CAMK2D: variants seen among roughly 807,000 people sequenced by gnomAD.
CAMK2D encodes calcium/calmodulin dependent protein kinase II delta.
In CAMK2D, 37 loss-of-function variants were observed where a neutral mutation model predicts 84.0. The observed-to-expected ratio is 0.44, with a 90% CI of 0.34 to 0.58. The LOEUF is 0.58. Ranked by LOEUF, CAMK2D falls within the 20% of genes least tolerant of loss-of-function variation. The pLI, the probability that CAMK2D is intolerant of heterozygous loss-of-function variation, is 0.02. For synonymous variants in CAMK2D, 202 were observed against 212.5 expected, an observed-to-expected ratio of 0.95 and a Z score of 0.43; for missense variants, 448 against 652.5, an observed-to-expected ratio of 0.69 and a Z score of 3.41.
intron 4 of CAMK2D, among the ~76,000 whole-genome samples, chr4:113,583,592 A>T (rs1325342216): frequency 1.3e-5 from 2 of 152,164 alleles, no homozygotes; most frequent in Non-Finnish European, 2.9e-5. Context: ...CAGAAACAAC[A>T]TATCTCTAGT....
At chr4:113,509,555 A>G in intron 13 of CAMK2D, 83 bp downstream of exon 13, 2 of 880,760 alleles carry the variant, frequency 2.3e-6, no homozygotes, top group East Asian at 5.0e-5. Flanking sequence ...GAACTTGCAA[A>G]GACTTAGGAA....
At position 113,540,564 on chromosome 4, in the gene CAMK2D, C is replaced by A. The variant is rs1045904915; in HGVS notation, c.415-3121G>T. Among the ~76,000 whole-genome samples the A allele has an allele frequency of 1.1e-4, 16 of 152,160 alleles. 1 individual carries two copies. The highest frequency in any genetic ancestry group is 5.9e-4 in the Admixed American group (9 of 15,266). ...TACCTATATGGACTTGGGCAACTCA[C>A]AAATGCCTGGAGCTAATTAATTAGT... On this transcript the variant is annotated intron_variant, in intron 6 of 20. Coordinates refer to ENST00000511664, the MANE Select transcript of CAMK2D (RefSeq NM_001321571.2).
At chr4:113,754,410 G>C (rs2099623817) in intron 2 of CAMK2D, 7 of 964,852 alleles carry the variant, frequency 7.3e-6, no homozygotes, top group Non-Finnish European at 8.6e-6. Context: ...GTACATGTAA[G>C]ATTTCTAGTA....
intron 13 of CAMK2D, among the ~76,000 whole-genome samples, 160 bp from the exon 14 acceptor site, chr4:113,505,195 C>T (rs2098113791): frequency 1.3e-5 from 2 of 152,152 alleles, no homozygotes; most frequent in Admixed American, 1.3e-4. Context: ...ATGATGATCG[C>T]TAGTCTCCGA....
chr4:113,549,518 AG>A (rs1175235296), intron 5 of CAMK2D, among the ~76,000 whole-genome samples: 1 of 152,200 alleles, frequency 6.6e-6, no homozygotes, highest in African/African-American at 2.4e-5. Context: ...ATTCTTATTA[AG>A]GGTTCACTGA....
intron 4 of CAMK2D, among the ~76,000 whole-genome samples, chr4:113,568,056 A>AT (rs1434149929): frequency 4.6e-5 from 7 of 152,236 alleles, no homozygotes; most frequent in Admixed American, 4.6e-4. Flanking sequence ...GTCTCTAGTT[A>AT]TTTTTTTATG....
At chr4:113,523,525 C>A (rs1343048936) in intron 8 of CAMK2D, among the ~76,000 whole-genome samples, 4 of 152,130 alleles carry the variant, frequency 2.6e-5, no homozygotes, top group African/African-American at 9.7e-5. Context: ...TCAATCCCAG[C>A]ACTTTGGGAG....
intron 13 of CAMK2D, among the ~76,000 whole-genome samples, chr4:113,508,075 T>C (rs1327564704): frequency 6.6e-6 from 1 of 152,162 alleles, no homozygotes; most frequent in Admixed American, 6.5e-5. Context: ...GAAAAAACAA[T>C]GTAATATGTA....
At chr4:113,735,649 T>C (rs2099579679) in intron 2 of CAMK2D, among the ~76,000 whole-genome samples, 1 of 152,174 alleles carries the variant, frequency 6.6e-6, no homozygotes, top group African/African-American at 2.4e-5. Flanking sequence ...GCTGTAGTAA[T>C]AAAATGATGT....
At chr4:113,544,005 A>G (rs1375090452) in intron 6 of CAMK2D, among the ~76,000 whole-genome samples, 1 of 151,902 alleles carries the variant, frequency 6.6e-6, no homozygotes. Context: ...GTTAGCCGGG[A>G]TGGTCTCGAT....
intron 7 of CAMK2D, among the ~76,000 whole-genome samples, chr4:113,533,306 G>A (rs2098469956): frequency 6.6e-6 from 1 of 152,040 alleles, no homozygotes; most frequent in Admixed American, 6.6e-5. Flanking sequence ...TGGACGTTAG[G>A]AAAGAATGTA....
chr4:113,712,138 G>A (rs141725630), intron 2 of CAMK2D, among the ~76,000 whole-genome samples: 2 of 152,178 alleles, frequency 1.3e-5, no homozygotes, highest in East Asian at 1.9e-4. Flanking sequence ...AACTCATTAT[G>A]CATCCTGAGT....
intron 2 of CAMK2D, among the ~76,000 whole-genome samples, chr4:113,695,614 G>C (rs543123183): frequency 1.3e-5 from 2 of 151,928 alleles, no homozygotes; most frequent in South Asian, 2.1e-4. Flanking sequence ...GCTCCTATGG[G>C]GTCTGCTTTC....
chr4:113,679,206 G>C (rs566583241), intron 2 of CAMK2D, among the ~76,000 whole-genome samples: 1 of 152,172 alleles, frequency 6.6e-6, no homozygotes, highest in South Asian at 2.1e-4. Flanking sequence ...AAGGAAATAT[G>C]AAAGGTTGTT....
rs769119552 is a variant in CAMK2D at position 113,460,122 on chromosome 4, G to A, written c.1306+25C>T. On this transcript the variant is annotated intron_variant, in intron 18 of 20. Coordinates refer to ENST00000511664, the MANE Select transcript of CAMK2D (RefSeq NM_001321571.2). ...ATTCAGAGAGGTTTAAAAAGGGCAT[G>A]TTATTAAATTAGGAATAAATGTACC... 1.9e-5 allele frequency: 25 copies of A among 1,323,832 alleles called. No homozygotes were observed. The South Asian group carries it at 2.6e-4, about 14-fold the overall frequency. The allele number at this position is 1,323,832 out of a possible 1,614,324, so 82.0% of individuals were successfully genotyped here. A position where few individuals can be genotyped will look rare whatever the true frequency, so the allele number is the denominator to read the frequency against.
chr4:113,549,349 T>C (rs2098607104), intron 5 of CAMK2D, among the ~76,000 whole-genome samples: 1 of 152,214 alleles, frequency 6.6e-6, no homozygotes, highest in Admixed American at 6.5e-5. Context: ...CCCTCTTTAG[T>C]GTAAGAATAC....
At chr4:113,693,814 A>AT (rs990891788) in intron 2 of CAMK2D, among the ~76,000 whole-genome samples, 15 of 151,596 alleles carry the variant, frequency 9.9e-5, no homozygotes, top group African/African-American at 2.2e-4. Flanking sequence ...CTGAAAGGTA[A>AT]TTTTTTTTTA....
chr4:113,594,954 C>G (rs1416405493), intron 4 of CAMK2D, among the ~76,000 whole-genome samples: 1 of 152,044 alleles, frequency 6.6e-6, no homozygotes, highest in Non-Finnish European at 1.5e-5. Flanking sequence ...TTGACAGTTT[C>G]CTCAGATCCA....
At chr4:113,564,142 G>A (rs982128280) in intron 4 of CAMK2D, among the ~76,000 whole-genome samples, 2 of 151,936 alleles carry the variant, frequency 1.3e-5, no homozygotes, top group Non-Finnish European at 2.9e-5. Context: ...ATTTGCATAC[G>A]CATACTTAAA....
Sources: gnomAD v4.1 joint callset for allele counts (sites outside exome capture counted in the v4.1 genomes callset) on GRCh38, gnomAD v4.1.1 for gene constraint, MANE v1.5 for transcripts, NCBI Gene and HGNC (gene_info 2026-07-23, HGNC 2026-07-21) for gene names.